CPEB2: variants seen among roughly 807,000 people sequenced by gnomAD.
CPEB2 encodes cytoplasmic polyadenylation element-binding protein 2.
In CPEB2, 56 loss-of-function variants were observed where a neutral mutation model predicts 93.6. That is an observed-to-expected ratio of 0.60 (90% CI 0.48 to 0.75). The LOEUF (loss-of-function observed/expected upper bound fraction) is 0.75, where lower values mean the gene tolerates loss of function less well. Ranked by LOEUF, CPEB2 falls within the 30% of genes least tolerant of loss-of-function variation. The probability of loss-of-function intolerance (pLI) is 0.00; values close to 1 mark genes in which losing one functional copy is unlikely to be tolerated. For synonymous variants in CPEB2, 764 were observed against 586.3 expected, an observed-to-expected ratio of 1.30 and a Z score of -4.38; for missense variants, 1,579 against 1,395.1, an observed-to-expected ratio of 1.13 and a Z score of -2.10.
At chr4:15,020,820 A>G (rs1724724477) in intron 4 of CPEB2, among the ~76,000 whole-genome samples, 1 of 152,150 alleles carries the variant, frequency 6.6e-6, no homozygotes, top group African/African-American at 2.4e-5. Context: ...CCTTATACAA[A>G]TACAATATAC....
At chr4:15,031,966 G>A (rs1482761256) in intron 4 of CPEB2, among the ~76,000 whole-genome samples, 1 of 152,144 alleles carries the variant, frequency 6.6e-6, no homozygotes, top group East Asian at 1.9e-4. Flanking sequence ...GGTAAAGGTA[G>A]ATGCAGTTCA....
At chr4:15,039,917 T>A (rs1166703965) in intron 5 of CPEB2, among the ~76,000 whole-genome samples, 4 of 152,148 alleles carry the variant, frequency 2.6e-5, no homozygotes, top group Middle Eastern at 3.2e-3. Context: ...TTAAATCCTG[T>A]CTAATCTGTA....
chr4:15,063,854 A>G (rs1034741022), intron 11 of CPEB2: 2 of 152,092 alleles, frequency 1.3e-5, no homozygotes, highest in African/African-American at 4.8e-5. Context: ...CTGAGGGAAA[A>G]GCTTATTTTC....
chr4:15,038,996 C>T lies in CPEB2; in HGVS notation c.2177-1468C>T, dbSNP rs999754195. 5.9e-5 allele frequency among the ~76,000 whole-genome samples: 9 copies of T among 152,198 alleles called. No homozygotes were observed. The South Asian group carries it at 1.9e-3, about 32-fold the overall frequency. ...TTAAAAACTTTTATGTTTAGAAGAC[C>T]TAGACAACAAAATACTAAGTGCTAC... On this transcript the variant is annotated intron_variant, in intron 5 of 11. Transcript: ENST00000538197.
chr4:15,007,348 G>A lies in CPEB2; in HGVS notation c.1706G>A (p.Gly569Asp). The change falls in exon 2 of 12, where the codon GGC (glycine) becomes GAC (aspartate). Residue 569 changes from glycine to aspartate, a missense_variant. This residue lies in a region of CPEB2 where 1,411 missense variants were observed against 1,056.0 expected (regional missense o/e 1.34). Coordinates refer to ENST00000538197, the MANE Select transcript of CPEB2 (RefSeq NM_001177382.2). ...QSPWSNHQSS[G>D]WGTGSMSWGA... ...CCCTGGAGCAACCATCAGAGCAGTG[G>A]CTGGGGCACTGGAAGTATGTCCTGG... 1 of 1,596,110 alleles carries A rather than the reference G, an allele frequency of 6.3e-7. No homozygotes were observed. The highest frequency in any genetic ancestry group is 8.6e-7 in the Non-Finnish European group (1 of 1,168,454).
chr4:15,042,110 T>A (rs1418538659), intron 6 of CPEB2, among the ~76,000 whole-genome samples: 8 of 152,216 alleles, frequency 5.3e-5, no homozygotes, highest in Admixed American at 6.5e-5. Flanking sequence ...ACAACCCACT[T>A]ACCAGTCTGT....
chr4:15,059,131 C>A, intron 9 of CPEB2, 56 bp from the exon 10 acceptor site: 2 of 1,036,744 alleles, frequency 1.9e-6, no homozygotes, highest in Non-Finnish European at 2.9e-6. Context: ...AACAAACAAA[C>A]AGAAAATTCT....
chr4:15,042,373 A>T (rs1727276853), intron 6 of CPEB2, among the ~76,000 whole-genome samples: 1 of 152,202 alleles, frequency 6.6e-6, no homozygotes, highest in Non-Finnish European at 1.5e-5. Context: ...TTTATATAGG[A>T]ACCAGCTATC....
chr4:15,016,819 C>T (rs538608185), intron 3 of CPEB2, among the ~76,000 whole-genome samples: 1 of 152,026 alleles, frequency 6.6e-6, no homozygotes, highest in Non-Finnish European at 1.5e-5. Context: ...CACTATCTGT[C>T]TTCCTAAATA....
At chr4:15,007,249 A>T in intron 1 of CPEB2, 56 bp from the exon 2 acceptor site, 1 of 1,372,208 alleles carries the variant, frequency 7.3e-7, no homozygotes, top group Non-Finnish European at 9.6e-7. Context: ...TTTGAATTTG[A>T]ATTTGAATTG....
chr4:15,016,120 T>G (rs2108984633), intron 3 of CPEB2, among the ~76,000 whole-genome samples: 1 of 152,148 alleles, frequency 6.6e-6, no homozygotes, highest in South Asian at 2.1e-4. Flanking sequence ...GGGCTTTTAT[T>G]TCCACTTAAT....
chr4:15,020,131 C>G (rs897219938), intron 4 of CPEB2, among the ~76,000 whole-genome samples: 1 of 152,032 alleles, frequency 6.6e-6, no homozygotes, highest in Non-Finnish European at 1.5e-5. Flanking sequence ...TTGCTTATAT[C>G]CCCCAAAGTG....
intron 4 of CPEB2, 68 bp from the exon 5 acceptor site, chr4:15,033,093 T>C: frequency 9.1e-7 from 1 of 1,096,250 alleles, no homozygotes; most frequent in Non-Finnish European, 1.4e-6. Context: ...TGTTGTTTTT[T>C]GTTTTTTTGT....
chr4:15,039,332 A>C (rs1232687848), intron 5 of CPEB2, among the ~76,000 whole-genome samples: 1 of 152,210 alleles, frequency 6.6e-6, no homozygotes, highest in African/African-American at 2.4e-5. Context: ...GTAAAGCATT[A>C]GCATAAAATA....
intron 10 of CPEB2, 40 bp from the exon 11 acceptor site, chr4:15,062,039 G>C: frequency 6.6e-7 from 1 of 1,519,802 alleles, no homozygotes; most frequent in Non-Finnish European, 8.9e-7. Context: ...TGATTACTGT[G>C]TTCTCTCACA....
At chr4:15,040,270 A>G (rs756250867) in intron 5 of CPEB2, among the ~76,000 whole-genome samples, 194 bp from the exon 6 acceptor site, 3 of 152,188 alleles carry the variant, frequency 2.0e-5, no homozygotes, top group Non-Finnish European at 2.9e-5. Context: ...GATGATATAT[A>G]TTTACCTATA....
chr4:15,059,131 CAG>C, intron 9 of CPEB2, 54 bp from the exon 10 acceptor site: 4 of 1,036,748 alleles, frequency 3.9e-6, no homozygotes, highest in Non-Finnish European at 5.7e-6. Context: ...AACAAACAAA[CAG>C]AAAATTCTCA....
At chr4:15,025,028 AG>A (rs1465273981) in intron 4 of CPEB2, among the ~76,000 whole-genome samples, 4 of 152,062 alleles carry the variant, frequency 2.6e-5, no homozygotes, top group African/African-American at 9.7e-5. Context: ...TACAGGCATG[AG>A]CCACCATGCC....
Position 15,005,661 on chromosome 4 carries a change from G to A in CPEB2, c.1662+1326G>A, listed in dbSNP as rs186701786. 1.6e-3 allele frequency among the ~76,000 whole-genome samples: 246 copies of A among 152,256 alleles called. 1 individual carries two copies. The highest frequency in any genetic ancestry group is 2.6e-3 in the Non-Finnish European group (179 of 68,018). ...AGTTGACCAAAGTTTTCAAGGATTAGTCTTTTTAAAGTGAATATTATCTAA... is the reference window on the plus strand; with the variant it reads ...AGTTGACCAAAGTTTTCAAGGATTAATCTTTTTAAAGTGAATATTATCTAA... On this transcript the variant is annotated intron_variant, in intron 1 of 11. Transcript: ENST00000538197.
Sources: allele counts gnomAD v4.1 joint callset (sites outside exome capture counted in the v4.1 genomes callset), GRCh38; gene constraint gnomAD v4.1.1; regional missense constraint gnomAD v4.1.1; transcripts MANE v1.5; gene names NCBI Gene and HGNC (gene_info 2026-07-23, HGNC 2026-07-21).